Variants in TEKT5 observed in about 807,000 individuals in gnomAD.
The protein encoded by TEKT5 is tektin-5.
Under a neutral mutation model 48.7 loss-of-function variants are expected in TEKT5, and 52 were observed. The observed-to-expected ratio is 1.07, with a 90% CI of 0.86 to 1.35. The LOEUF is 1.35. Among genes scored for constraint, TEKT5 ranks in the 40% most tolerant of loss-of-function variants. The pLI is 0.00. For missense variants in TEKT5, 831 were observed against 641.6 expected, an observed-to-expected ratio of 1.30 and a Z score of -3.19; for synonymous variants, 318 against 267.6, an observed-to-expected ratio of 1.19 and a Z score of -1.84.
chr16:10,654,018 GTGTGTGTGTGTGCA>G (rs1898215933), intron 5 of TEKT5, among the ~76,000 whole-genome samples: 1 of 143,190 alleles, frequency 7.0e-6, no homozygotes, highest in African/African-American at 3.0e-5. Flanking sequence ...GTGTGTGCAT[GTGTGTGTGTGTGCA>G]CATGTGTGTG....
intron 5 of TEKT5, among the ~76,000 whole-genome samples, chr16:10,644,944 T>C (rs1028139332): frequency 1.1e-4 from 16 of 152,298 alleles, no homozygotes; most frequent in African/African-American, 3.8e-4. Flanking sequence ...GGAGCTCTCA[T>C]GAATGGGATT....
chr16:10,681,373 CTCTGTCTCTCT>C (rs1567235098), intron 4 of TEKT5, among the ~76,000 whole-genome samples: 2 of 31,056 alleles, frequency 6.4e-5, no homozygotes, highest in African/African-American at 3.9e-4. Flanking sequence ...AGATTCCACT[CTCTGTCTCTCT>C]CTCTCTCTCT....
At chr16:10,654,465 G>C (rs1056575229) in intron 5 of TEKT5, among the ~76,000 whole-genome samples, 1 of 152,166 alleles carries the variant, frequency 6.6e-6, no homozygotes, top group African/African-American at 2.4e-5. Context: ...GTCTGTGAAG[G>C]TGTTTCTGGA....
At chr16:10,636,191 G>A (rs549505063) in intron 5 of TEKT5, among the ~76,000 whole-genome samples, 26 of 151,974 alleles carry the variant, frequency 1.7e-4, no homozygotes, top group South Asian at 4.2e-4. Context: ...CCTGGCCAAC[G>A]TGGTGAAACC....
intron 5 of TEKT5, among the ~76,000 whole-genome samples, chr16:10,637,128 C>T (rs997013678): frequency 2.0e-5 from 3 of 151,528 alleles, no homozygotes; most frequent in Admixed American, 1.3e-4. Flanking sequence ...ATTACAGGTG[C>T]CTGCCACCAT....
At chr16:10,682,464 G>T (rs1377540557) in intron 3 of TEKT5, among the ~76,000 whole-genome samples, 1 of 152,104 alleles carries the variant, frequency 6.6e-6, no homozygotes, top group Non-Finnish European at 1.5e-5. Context: ...AGTAGCTAGG[G>T]CTACAGGCAT....
chr16:10,635,723 T>C (rs762755253), intron 6 of TEKT5, 41 bp downstream of exon 6: 50 of 1,590,356 alleles, frequency 3.1e-5, no homozygotes, highest in African/African-American at 2.6e-4. Flanking sequence ...GTTCCTGGAT[T>C]CCCAGGGGTT....
chr16:10,631,263 A>AG, intron 6 of TEKT5, among the ~76,000 whole-genome samples: 1 of 147,368 alleles, frequency 6.8e-6, no homozygotes, highest in East Asian at 2.0e-4. Flanking sequence ...CTCAAAAAAA[A>AG]AAAAAAAAAA....
At chr16:10,642,140 C>A (rs1898003364) in intron 5 of TEKT5, among the ~76,000 whole-genome samples, 1 of 152,220 alleles carries the variant, frequency 6.6e-6, no homozygotes, top group Non-Finnish European at 1.5e-5. Flanking sequence ...CATGTCTTAT[C>A]TTTTGTGTTC....
chr16:10,665,014 G>T (rs187716226), intron 5 of TEKT5, among the ~76,000 whole-genome samples: 2 of 152,188 alleles, frequency 1.3e-5, no homozygotes, highest in African/African-American at 4.8e-5. Context: ...CAGCCAGGAA[G>T]TGCTGGAGCC....
chr16:10,663,818 G>C (rs906867070), intron 5 of TEKT5, among the ~76,000 whole-genome samples: 1 of 152,180 alleles, frequency 6.6e-6, no homozygotes, highest in Non-Finnish European at 1.5e-5. Context: ...AATGCCAGTG[G>C]GGTGCAAATT....
At chr16:10,679,082 T>C (rs1300544855) in intron 4 of TEKT5, among the ~76,000 whole-genome samples, 1 of 152,174 alleles carries the variant, frequency 6.6e-6, no homozygotes, top group Non-Finnish European at 1.5e-5. Flanking sequence ...TTCCTCATTG[T>C]AAAATGGAGA....
At chr16:10,679,506 A>G (rs1345772355) in intron 4 of TEKT5, among the ~76,000 whole-genome samples, 1 of 151,948 alleles carries the variant, frequency 6.6e-6, no homozygotes, top group Non-Finnish European at 1.5e-5. Context: ...ATCATTGTTA[A>G]TCCATGGTAA....
At chr16:10,672,523 G>T (rs1387499806) in intron 5 of TEKT5, among the ~76,000 whole-genome samples, 1 of 152,184 alleles carries the variant, frequency 6.6e-6, no homozygotes, top group Non-Finnish European at 1.5e-5. Context: ...TTGAACCAGG[G>T]AGGCAGAGGT....
chr16:10,693,582 T>C (rs1033971969), intron 1 of TEKT5, among the ~76,000 whole-genome samples: 8 of 152,332 alleles, frequency 5.3e-5, no homozygotes, highest in African/African-American at 1.7e-4. Context: ...CTTGAATACA[T>C]CAGTGACAAA....
chr16:10,627,765 G>C lies in TEKT5; in HGVS notation c.1276C>G (p.Leu426Val). The C allele has an allele frequency of 6.2e-7, 1 of 1,614,234 alleles. No individual in the cohort carries two copies. The change falls in exon 7 of 7, where the codon CTG becomes GTG. Residue 426 changes from leucine (L) to valine (V), a missense_variant. Transcript: ENST00000283025. ...VNEVFTIDDT[L>V]QTLKLRLRET... ...CGCAGCCGCAGCTTGAGGGTCTGCAGGGTGTCGTCGATGGTGAACACCTCG... is the reference window on the plus strand; with the variant it reads ...CGCAGCCGCAGCTTGAGGGTCTGCACGGTGTCGTCGATGGTGAACACCTCG...
At chr16:10,645,112 G>T (rs1036137204) in intron 5 of TEKT5, among the ~76,000 whole-genome samples, 6 of 152,176 alleles carry the variant, frequency 3.9e-5, no homozygotes, top group Admixed American at 3.9e-4. Flanking sequence ...AATAAATTTT[G>T]ATGTTTACAA....
rs551474632 is a variant in TEKT5, at chr16:10,680,919, T to G, written c.863+1074A>C. Among the ~76,000 whole-genome samples the G allele has an allele frequency of 2.0e-5, 3 of 149,144 alleles. No homozygotes were observed. In the South Asian group the frequency reaches 6.5e-4, roughly 32 times the overall value. ...GATATACCTAATGCTAGATGACGATTTAGTGGGTGCAGCGCACGAGCATGG... is the reference window on the plus strand; with the variant it reads ...GATATACCTAATGCTAGATGACGATGTAGTGGGTGCAGCGCACGAGCATGG... On this transcript the variant is annotated intron_variant, in intron 4 of 6. Coordinates refer to ENST00000283025, the MANE Select transcript of TEKT5 (RefSeq NM_144674.2).
At chr16:10,652,538 CAT>C (rs1383640180) in intron 5 of TEKT5, among the ~76,000 whole-genome samples, 184 of 90,476 alleles carry the variant, frequency 2.0e-3, no homozygotes, top group African/African-American at 4.8e-3. Flanking sequence ...CACAGGCAGA[CAT>C]ACACACACAC....
Sources: gnomAD v4.1 joint callset for allele counts (sites outside exome capture counted in the v4.1 genomes callset) on GRCh38, gnomAD v4.1.1 for gene constraint, MANE v1.5 for transcripts, NCBI Gene and HGNC (gene_info 2026-07-23, HGNC 2026-07-21) for gene names.